PTCHD1: variants seen among roughly 807,000 people sequenced by gnomAD.
PTCHD1 encodes patched domain containing 1, also known as patched domain-containing protein 1.
A neutral mutation model predicts 34.6 loss-of-function variants in PTCHD1; 3 were observed. That is an observed-to-expected ratio of 0.09 (90% CI 0.04 to 0.22). The LOEUF (loss-of-function observed/expected upper bound fraction) is 0.22. Ranked by LOEUF, PTCHD1 falls within the 10% of genes least tolerant of loss-of-function variation. PTCHD1 has a pLI of 1.00. For synonymous variants in PTCHD1, 305 were observed against 283.1 expected, an observed-to-expected ratio of 1.08 and a Z score of -0.77; for missense variants, 504 against 685.5, an observed-to-expected ratio of 0.74 and a Z score of 2.96.
rs1242529308 is a variant in PTCHD1 at position 23,394,261 on chromosome X, C to G, written c.*76C>G. ...ATTATGTTAATGAAACAATTAAATT[C>G]AAAGTTCTTCCCTTTTTTAAAGATA... is the stretch of plus-strand genomic sequence containing the variant. On this transcript the variant is annotated 3_prime_UTR_variant, in exon 3 of 3. Coordinates refer to ENST00000379361, the MANE Select transcript of PTCHD1 (RefSeq NM_173495.3). 24 of 264,882 alleles carry G rather than the reference C, an allele frequency of 9.1e-5. No homozygotes were observed. The highest frequency in any genetic ancestry group is 1.4e-4 in the Non-Finnish European group (23 of 165,399). 21.8% of individuals were successfully genotyped at this position (264,882 alleles called of 1,213,427 possible). A position where few individuals can be genotyped will look rare whatever the true frequency, so the allele number is the denominator to read the frequency against.
chrX:23,342,762 A>G (rs934966524), intron 1 of PTCHD1, among the ~76,000 whole-genome samples: 2 of 111,272 alleles, frequency 1.8e-5, no homozygotes, highest in Admixed American at 9.5e-5. Context: ...TCACACATCT[A>G]CTTTTGTTGT....
chrX:23,343,043 A>C (rs780658516), intron 1 of PTCHD1, among the ~76,000 whole-genome samples: 8 of 112,400 alleles, frequency 7.1e-5, no homozygotes, highest in Non-Finnish European at 5.6e-5. Context: ...CATAATGTGG[A>C]GTTTGCAGCA....
intron 1 of PTCHD1, among the ~76,000 whole-genome samples, chrX:23,377,014 G>A (rs1233796488): frequency 8.9e-6 from 1 of 111,983 alleles, no homozygotes; most frequent in Non-Finnish European, 1.9e-5. Flanking sequence ...TGGTCCTGGG[G>A]TCATAGCAGT....
intron 1 of PTCHD1, among the ~76,000 whole-genome samples, chrX:23,369,684 C>G (rs973017679): frequency 8.9e-6 from 1 of 111,915 alleles, no homozygotes; most frequent in Non-Finnish European, 1.9e-5. Context: ...TAGTTTCCTT[C>G]TTTTACCCCT....
At chrX:23,379,516 G>A (rs903834244) in intron 1 of PTCHD1, 75 bp from the exon 2 acceptor site, 12 of 1,043,202 alleles carry the variant, frequency 1.2e-5, no homozygotes, top group African/African-American at 9.5e-5. Context: ...GCTTAGAGAC[G>A]GAATGTCCAC....
At chrX:23,337,728 T>C (rs766016501) in intron 1 of PTCHD1, among the ~76,000 whole-genome samples, 12 of 111,251 alleles carry the variant, frequency 1.1e-4, no homozygotes, top group African/African-American at 3.9e-4. Context: ...TGAAATGAAG[T>C]GAAGTGGACA....
At chrX:23,338,464 T>A (rs777220296) in intron 1 of PTCHD1, among the ~76,000 whole-genome samples, 1 of 112,127 alleles carries the variant, frequency 8.9e-6, no homozygotes, top group African/African-American at 3.2e-5. Flanking sequence ...AACAAAACAA[T>A]TCTTGATTTA....
intron 1 of PTCHD1, among the ~76,000 whole-genome samples, chrX:23,336,299 T>C (rs1921168614): frequency 9.0e-6 from 1 of 111,387 alleles, no homozygotes; most frequent in Non-Finnish European, 1.9e-5. Context: ...CTTGTTTACT[T>C]AAGGTTCTCC....
intron 1 of PTCHD1, among the ~76,000 whole-genome samples, chrX:23,342,265 CCTATATATATATATATATATATAT>C (rs1303143453): frequency 0.017 from 1,003 of 57,477 alleles, 18 homozygotes; most frequent in Admixed American, 0.04. Flanking sequence ...TGTGTTTCTC[CCTATATATATATATATATATATAT>C]ATATATATAT....
At chrX:23,368,439 C>T (rs999085863) in intron 1 of PTCHD1, among the ~76,000 whole-genome samples, 55 of 111,810 alleles carry the variant, frequency 4.9e-4, no homozygotes, top group African/African-American at 1.8e-3. Context: ...TCAATGTCAC[C>T]GGAGAAATAT....
rs181783282 is a variant in PTCHD1, at chrX:23,366,186, G to A, written c.352-13405G>A. 6.5e-3 allele frequency among the ~76,000 whole-genome samples: 725 copies of A among 111,977 alleles called. 6 individuals carry two copies. The highest frequency in any genetic ancestry group is 0.01 in the Non-Finnish European group (551 of 53,211). ...CCCCCACGGTTCAGACCTTCATTTCGTCAGTGAACTAGTTGTTACATTGGT... is the reference window on the plus strand; with the variant it reads ...CCCCCACGGTTCAGACCTTCATTTCATCAGTGAACTAGTTGTTACATTGGT... On this transcript the variant is annotated intron_variant, in intron 1 of 2. Transcript: ENST00000379361.
chrX:23,353,056 T>A (rs988894014), intron 1 of PTCHD1, among the ~76,000 whole-genome samples: 1 of 112,303 alleles, frequency 8.9e-6, no homozygotes, highest in African/African-American at 3.2e-5. Flanking sequence ...GAGATCATTT[T>A]ACAACTGTAT....
chrX:23,392,070 C>CTTTTTT (rs1464413678), intron 2 of PTCHD1, among the ~76,000 whole-genome samples: 1 of 39,478 alleles, frequency 2.5e-5, no homozygotes, highest in African/African-American at 2.3e-4. Context: ...TTCTTTCTTT[C>CTTTTTT]TTTCTTTTTT....
Position 23,337,795 on chromosome X carries a change from T to TTG in PTCHD1, c.351+2571_351+2572dup, listed in dbSNP as rs764843093. On this transcript the variant is annotated intron_variant, in intron 1 of 2. Transcript: ENST00000379361. ...CCCAGTACAGAACTGAGGAGGTGAC[T>TTG]TGTAGGGCTGTGTAGGGTGTTGCTT... Among the ~76,000 whole-genome samples, 8 of 110,862 alleles carry TTG rather than the reference T, an allele frequency of 7.2e-5. No homozygotes were observed. In the East Asian group the frequency reaches 1.1e-3, roughly 16 times the overall value.
At chrX:23,334,593 C>G (rs1209409314), upstream of PTCHD1, 1 of 106,577 alleles carries the variant, frequency 9.4e-6, no homozygotes, top group Non-Finnish European at 2.0e-5. Context: ...CGCGGTAGGG[C>G]GGAGTGGGGG....
chrX:23,362,824 C>T (rs1440313285), intron 1 of PTCHD1, among the ~76,000 whole-genome samples: 5 of 112,008 alleles, frequency 4.5e-5, no homozygotes, highest in African/African-American at 1.3e-4. Flanking sequence ...TGTGGATATC[C>T]TTTCTGTTGA....
intron 1 of PTCHD1, among the ~76,000 whole-genome samples, chrX:23,337,861 T>C (rs184544583): frequency 1.1e-3 from 126 of 110,943 alleles, no homozygotes; most frequent in African/African-American, 3.9e-3. Context: ...CTTAATGTTT[T>C]GGGATTGTAC....
chrX:23,340,590 T>TGCTTTGTTGCC (rs1306626027), intron 1 of PTCHD1, among the ~76,000 whole-genome samples: 1 of 112,425 alleles, frequency 8.9e-6, no homozygotes, highest in African/African-American at 3.2e-5. Context: ...CAGGAGGCAG[T>TGCTTTGTTGCC]GCTTTGTTGC....
At position 23,398,721 on chromosome X, in the gene PTCHD1, G is replaced by A. The variant is rs1030121505; in HGVS notation, c.*4536G>A. The A allele has an allele frequency of 9.0e-6, 1 of 111,596 alleles. No individual in the cohort carries two copies. Among genetic ancestry groups the A allele is most frequent in the Admixed American group, 9.5e-5 (1 of 10,526 alleles). The allele number at this position is 111,596 out of a possible 1,213,427, so 9.2% of individuals were successfully genotyped here. ...CACTGCAGAGTTCCTCCCTGTGGTG[G>A]TTACAACTGTTATTTCTGTTTCATG... On this transcript the variant is annotated 3_prime_UTR_variant, in exon 3 of 3. Transcript: ENST00000379361.
Sources: allele counts gnomAD v4.1 joint callset (sites outside exome capture counted in the v4.1 genomes callset), GRCh38; gene constraint gnomAD v4.1.1; transcripts MANE v1.5; gene names NCBI Gene and HGNC (gene_info 2026-07-23, HGNC 2026-07-21).